ITGA3: variants seen among roughly 807,000 people sequenced by gnomAD.
The protein encoded by ITGA3 is integrin subunit alpha 3.
In ITGA3, 70 loss-of-function variants were observed where a neutral mutation model predicts 131.1. The ratio of observed to expected loss-of-function variants is 0.53; its 90% CI spans 0.44 to 0.65. The LOEUF (loss-of-function observed/expected upper bound fraction) is 0.65. Among genes scored for constraint, ITGA3 ranks in the 30% least tolerant of loss-of-function variants. The pLI is 0.00. For missense variants in ITGA3, 1,098 were observed against 1,388.6 expected (o/e 0.79, Z 3.33); for synonymous variants, 537 against 571.6 (o/e 0.94, Z 0.86).
chr17:50,081,629 A>G (rs1909189767), intron 23 of ITGA3, among the ~76,000 whole-genome samples: 1 of 152,186 alleles, frequency 6.6e-6, no homozygotes, highest in Non-Finnish European at 1.5e-5. Context: ...AGGTCCCCCA[A>G]GTGATGCTAA....
Position 50,064,780 on chromosome 17 carries a change from G to A in ITGA3, c.414+173G>A, listed in dbSNP as rs545188060. ...CCCTCGCTCTCTGCACTCCTGGGGA[G>A]GGGGTGAGTATCCTGTGCTCTCCCA... On this transcript the variant is annotated intron_variant, in intron 3 of 25. Transcript: ENST00000320031. This position sits in a 1 kb window ranked among gnomAD's most constrained non-coding sequence, Gnocchi z 4.4. The A allele has an allele frequency of 1.3e-4, 78 of 580,278 alleles. 1 individual carries two copies. In the African/African-American group the frequency reaches 1.5e-3, roughly 11 times the overall value. The allele number at this position is 580,278 out of a possible 1,614,324, so 35.9% of individuals were successfully genotyped here.
chr17:50,078,373 A>C (rs1598193073), intron 18 of ITGA3, 89 bp downstream of exon 18: 1 of 1,076,540 alleles, frequency 9.3e-7, no homozygotes, highest in Non-Finnish European at 1.4e-6. Flanking sequence ...AACTCCTCTG[A>C]CCCCTCTCTT....
At position 50,056,844 on chromosome 17, in the gene ITGA3, G is replaced by A. The variant is rs1185183412; in HGVS notation, c.206+199G>A. The stretch of plus-strand genomic sequence containing the variant: ...AGTAATCATTGGCAAGTGCTGACGG[G>A]GCCAGAACCTGTCTGGACGCCACCC... On this transcript the variant is annotated intron_variant, in intron 1 of 25. Coordinates refer to ENST00000320031, the MANE Select transcript of ITGA3 (RefSeq NM_002204.4). This position sits in a 1 kb window ranked among gnomAD's most constrained non-coding sequence, Gnocchi z 5.6. Among the ~76,000 whole-genome samples, 3 of 152,260 alleles carry A rather than the reference G, an allele frequency of 2.0e-5. No individual in the cohort carries two copies. The South Asian group carries it at 6.2e-4, about 32-fold the overall frequency.
intron 23 of ITGA3, among the ~76,000 whole-genome samples, chr17:50,085,285 T>G (rs1909338260): frequency 6.6e-6 from 1 of 152,118 alleles, no homozygotes; most frequent in East Asian, 1.9e-4. Context: ...ATCCCATTTA[T>G]GTAGATCATA....
chr17:50,064,367 G>T lies in ITGA3; in HGVS notation c.335-161G>T, dbSNP rs187300790. 2 of 1,130,390 alleles carry T rather than the reference G, an allele frequency of 1.8e-6. No homozygotes were observed. The highest frequency in any genetic ancestry group is 2.6e-5 in the East Asian group (1 of 38,998). The allele number at this position is 1,130,390 out of a possible 1,614,324, so 70.0% of individuals were successfully genotyped here. On this transcript the variant is annotated intron_variant, in intron 2 of 25. Transcript: ENST00000320031. The surrounding 1 kb of genome is among the most constrained non-coding windows in gnomAD (Gnocchi z 4.4). ...CCTAGAGGAGAGTGGGGCTGGATGGGATTGGTAGAGCTCAGAATAATGACG... is the reference window on the plus strand; with the variant it reads ...CCTAGAGGAGAGTGGGGCTGGATGGTATTGGTAGAGCTCAGAATAATGACG...
rs766336045 is a variant in ITGA3 at position 50,077,019 on chromosome 17, C to T, written c.1968C>T (p.Asn656=). ...RDVRKLLLSI[N]VTNTRTSERS... ...TCCGGAAATTGCTCCTGAGCATCAA[C>T]GTGACGAACACCCGGACCTCGGAGC... The change falls in exon 15 of 26, where the codon AAC becomes AAT. Residue 656 remains asparagine (N), a synonymous_variant. Coordinates refer to ENST00000320031, the MANE Select transcript of ITGA3 (RefSeq NM_002204.4). 4.3e-6 allele frequency: 7 copies of T among 1,611,660 alleles called. No individual in the cohort carries two copies. In the South Asian group the frequency reaches 4.4e-5, roughly 10 times the overall value.
chr17:50,067,096 T>G (rs983462051), intron 3 of ITGA3, among the ~76,000 whole-genome samples: 1 of 152,190 alleles, frequency 6.6e-6, no homozygotes, highest in Non-Finnish European at 1.5e-5. Context: ...TAGCAGTTAT[T>G]TACTCACTGT....
chr17:50,074,062 C>A, intron 8 of ITGA3, 58 bp downstream of exon 8: 1 of 1,551,548 alleles, frequency 6.4e-7, no homozygotes, highest in Non-Finnish European at 8.9e-7. Flanking sequence ...GCCTTCCTTG[C>A]TTTCCTTCAC....
chr17:50,064,354 T>C lies in ITGA3; in HGVS notation c.334+150T>C, dbSNP rs139334274. ...GGGAAGAGGGTGCCCTAGAGGAGAGTGGGGCTGGATGGGATTGGTAGAGCT... is the reference window on the plus strand; with the variant it reads ...GGGAAGAGGGTGCCCTAGAGGAGAGCGGGGCTGGATGGGATTGGTAGAGCT... On this transcript the variant is annotated intron_variant, in intron 2 of 25. Coordinates refer to ENST00000320031, the MANE Select transcript of ITGA3 (RefSeq NM_002204.4). The surrounding 1 kb of genome is among the most constrained non-coding windows in gnomAD (Gnocchi z 4.4). 11,128 of 1,146,372 alleles carry C rather than the reference T, an allele frequency of 9.7e-3. 123 individuals are homozygous for C. Among genetic ancestry groups the C allele is most frequent in the African/African-American group, 0.037 (2,401 of 65,050 alleles). The allele number at this position is 1,146,372 out of a possible 1,614,324, so 71.0% of individuals were successfully genotyped here.
At chr17:50,079,933 G>A (rs1033790314) in intron 21 of ITGA3, among the ~76,000 whole-genome samples, 3 of 152,214 alleles carry the variant, frequency 2.0e-5, no homozygotes, top group East Asian at 3.9e-4. Flanking sequence ...GCCGGTTGAA[G>A]CCTAGCTGGG....
At position 50,079,258 on chromosome 17, in the gene ITGA3, T is replaced by G; in HGVS notation, c.2583T>G (p.Ser861=). ...DLINPLNLTL[S]DPGDRPSSPQ... ...TCAACCCTCTCAACCTCACTCTTTC[T>G]GTAAGGACACTATCAGGGATATTTC... Residue 861 remains serine, a splice_region_variant and synonymous_variant, in exon 20 of 26, where the codon TCT becomes TCG. Coordinates refer to ENST00000320031, the MANE Select transcript of ITGA3 (RefSeq NM_002204.4). 1 of 1,613,758 alleles carries G rather than the reference T, an allele frequency of 6.2e-7. No homozygotes were observed. Among genetic ancestry groups the G allele is most frequent in the Non-Finnish European group, 8.5e-7 (1 of 1,179,748 alleles).
At chr17:50,069,503 A>G (rs1231493929) in intron 4 of ITGA3, among the ~76,000 whole-genome samples, 1 of 151,962 alleles carries the variant, frequency 6.6e-6, no homozygotes, top group Non-Finnish European at 1.5e-5. Flanking sequence ...TTGTCTCTAC[A>G]AAAAATTTAA....
In ITGA3 at chr17:50,071,823, C is replaced by T. The variant is rs939337172; in HGVS notation, c.960-163C>T. 3 of 660,040 alleles carry T rather than the reference C, an allele frequency of 4.5e-6. No homozygotes were observed. In the Admixed American group the frequency reaches 8.8e-5, roughly 19 times the overall value. The allele number at this position is 660,040 out of a possible 1,614,324, so 40.9% of individuals were successfully genotyped here. A position where few individuals can be genotyped will look rare whatever the true frequency, so the allele number is the denominator to read the frequency against. On this transcript the variant is annotated intron_variant, in intron 6 of 25. Transcript: ENST00000320031. ...TCTATTTGGTGGGTCATATTGGCAT[C>T]TCCATGTCCTTCCCATGCACATGTC... is the stretch of plus-strand genomic sequence containing the variant.
intron 6 of ITGA3, chr17:50,071,727 T>A: frequency 1.6e-6 from 1 of 622,214 alleles, no homozygotes; most frequent in African/African-American, 1.8e-5. Context: ...GCTTGGGATT[T>A]GTATGCTCCA....
At position 50,079,542 on chromosome 17, in the gene ITGA3, G is replaced by C; in HGVS notation, c.2691G>C (p.Lys897Asn). ...PVTLAAAKKAKSETVLTCATG... is the reference protein window; with the variant it reads ...PVTLAAAKKANSETVLTCATG... Reference sequence around the variant, plus strand: ...CTCTGGCTGCTGCCAAAAAAGCCAAGTCTGAGACTGTGCTGGTGAGTGGCC... The same window carrying C: ...CTCTGGCTGCTGCCAAAAAAGCCAACTCTGAGACTGTGCTGGTGAGTGGCC... The change falls in exon 21 of 26, where the codon AAG becomes AAC. Residue 897 changes from lysine (K) to asparagine (N), a missense_variant. Physicochemically the swap from Lys to Asn is moderately conservative, Grantham distance 94. Coordinates refer to ENST00000320031, the MANE Select transcript of ITGA3 (RefSeq NM_002204.4). 1 of 1,549,282 alleles carries C rather than the reference G, an allele frequency of 6.5e-7. No individual in the cohort carries two copies. Among genetic ancestry groups the C allele is most frequent in the Non-Finnish European group, 8.7e-7 (1 of 1,149,646 alleles).
intron 25 of ITGA3, 45 bp downstream of exon 25, chr17:50,088,411 C>G: frequency 9.4e-7 from 1 of 1,066,144 alleles, no homozygotes; most frequent in East Asian, 2.6e-5. Flanking sequence ...CACAGCTGGC[C>G]GGGCCTCTGA....
Position 50,089,279 on chromosome 17 carries a change from C to T in ITGA3, c.*201C>T. 1.3e-6 allele frequency: 2 copies of T among 1,597,562 alleles called. No individual in the cohort carries two copies. Among genetic ancestry groups the T allele is most frequent in the Non-Finnish European group, 1.7e-6 (2 of 1,167,158 alleles). On this transcript the variant is annotated 3_prime_UTR_variant, in exon 26 of 26. Coordinates refer to ENST00000320031, the MANE Select transcript of ITGA3 (RefSeq NM_002204.4). ...CAATACTACTGACGTCCTCCCTGATCCCACCCCCTCCTCCCCCAGTGTCCC... is the reference window on the plus strand; with the variant it reads ...CAATACTACTGACGTCCTCCCTGATTCCACCCCCTCCTCCCCCAGTGTCCC...
chr17:50,065,002 G>A, intron 3 of ITGA3: 1 of 169,132 alleles, frequency 5.9e-6, no homozygotes, highest in South Asian at 1.7e-4. Context: ...GCCCAGCCCT[G>A]CTGACCCCGG....
intron 23 of ITGA3, among the ~76,000 whole-genome samples, chr17:50,083,459 C>A (rs888598314): frequency 1.3e-5 from 2 of 152,058 alleles, no homozygotes; most frequent in African/African-American, 4.8e-5. Flanking sequence ...CACGGTGGCT[C>A]ACACTTGTAA....
Sources: allele counts gnomAD v4.1 joint callset (sites outside exome capture counted in the v4.1 genomes callset), GRCh38; gene constraint gnomAD v4.1.1; non-coding constraint Gnocchi (gnomAD v3.1); transcripts MANE v1.5; gene names NCBI Gene and HGNC (gene_info 2026-07-23, HGNC 2026-07-21).